GRIK1: variants seen among roughly 807,000 people sequenced by gnomAD.
GRIK1 encodes the protein glutamate receptor ionotropic, kainate 1.
A neutral mutation model predicts 105.7 loss-of-function variants in GRIK1; 69 were observed. The observed-to-expected ratio is 0.65, with a 90% confidence interval of 0.54 to 0.80. The LOEUF (loss-of-function observed/expected upper bound fraction) is 0.80, where lower values mean the gene tolerates loss of function less well. Ranked by LOEUF, GRIK1 falls within the 30% of genes least tolerant of loss-of-function variation. The probability of loss-of-function intolerance (pLI) is 0.00; values close to 1 mark genes in which losing one functional copy is unlikely to be tolerated. For synonymous variants in GRIK1, 438 were observed against 431.3 expected, an observed-to-expected ratio of 1.02 and a Z score of -0.19; for missense variants, 1,109 against 1,167.3, an observed-to-expected ratio of 0.95 and a Z score of 0.73.
intron 1 of GRIK1, among the ~76,000 whole-genome samples, chr21:29,774,310 T>G (rs1393625073): frequency 6.6e-6 from 1 of 152,172 alleles, no homozygotes; most frequent in African/African-American, 2.4e-5. Context: ...AAATTCAGAC[T>G]GTTAGGAAAG....
intron 11 of GRIK1, among the ~76,000 whole-genome samples, chr21:29,588,058 T>C (rs922986593): frequency 7.3e-6 from 1 of 136,708 alleles, no homozygotes; most frequent in Non-Finnish European, 1.5e-5. Flanking sequence ...CACTGCAAGA[T>C]CCACCTCCCA....
chr21:29,691,834 A>T (rs1404175705), intron 2 of GRIK1, among the ~76,000 whole-genome samples: 1 of 152,232 alleles, frequency 6.6e-6, no homozygotes, highest in African/African-American at 2.4e-5. Context: ...TATCTAAGGA[A>T]CAGCAAATGT....
intron 1 of GRIK1, among the ~76,000 whole-genome samples, chr21:29,907,769 TG>T (rs1346595716): frequency 6.6e-6 from 1 of 152,158 alleles, no homozygotes; most frequent in African/African-American, 2.4e-5. Context: ...AATATGCTAG[TG>T]AATTAAAAAA....
At chr21:29,721,398 C>G (rs1027388359) in intron 1 of GRIK1, among the ~76,000 whole-genome samples, 2 of 151,982 alleles carry the variant, frequency 1.3e-5, no homozygotes, top group African/African-American at 4.8e-5. Flanking sequence ...AGAGACCAGC[C>G]GCTTTCTCTT....
At chr21:29,547,772 G>A (rs920487759) in intron 16 of GRIK1, among the ~76,000 whole-genome samples, 5 of 152,160 alleles carry the variant, frequency 3.3e-5, no homozygotes, top group Admixed American at 2.0e-4. Context: ...CTCTTTGCAC[G>A]ATTACAAAAA....
At chr21:29,828,052 AAC>A (rs1555894960) in intron 1 of GRIK1, among the ~76,000 whole-genome samples, 3 of 149,948 alleles carry the variant, frequency 2.0e-5, no homozygotes, top group Non-Finnish European at 4.4e-5. Context: ...TGTCTAATGA[AAC>A]ACAGGGTGTC....
At chr21:29,730,000 A>G (rs2064572023) in intron 1 of GRIK1, among the ~76,000 whole-genome samples, 1 of 152,188 alleles carries the variant, frequency 6.6e-6, no homozygotes, top group African/African-American at 2.4e-5. Flanking sequence ...CTTCGACACT[A>G]TTATAGCAAA....
Position 29,603,427 on chromosome 21 carries a change from C to A in GRIK1, c.1099-4490G>T, listed in dbSNP as rs570246375. On this transcript the variant is annotated intron_variant, in intron 7 of 17. Coordinates refer to ENST00000327783, the MANE Select transcript of GRIK1 (RefSeq NM_001330994.2). ...CCATAATACCAAACACTGGCACTAG[C>A]TTTAAAATTGAATGGCATATCTTTA... Among the ~76,000 whole-genome samples, 9 of 152,122 alleles carry A rather than the reference C, an allele frequency of 5.9e-5. No homozygotes were observed. The East Asian group carries it at 1.7e-3, about 29-fold the overall frequency.
At position 29,673,017 on chromosome 21, in the gene GRIK1, C is replaced by A. The variant is rs753975943; in HGVS notation, c.692G>T (p.Cys231Phe). The A allele has an allele frequency of 6.8e-6, 11 of 1,613,266 alleles. No individual in the cohort carries two copies. Among genetic ancestry groups the A allele is most frequent in the African/African-American group, 1.3e-5 (1 of 74,996 alleles). ...KGKEFYVIFD[C>F]SHETAAEILK... ...GATTTCAGCGGCTGTTTCATGTGAA[C>A]AATCAAATATCACATAGAACTCCTT... is the stretch of plus-strand genomic sequence containing the variant. The change falls in exon 4 of 18, where the codon TGT becomes TTT. Residue 231 changes from cysteine to phenylalanine, a missense_variant. Physicochemically the swap from Cys to Phe is radical, Grantham distance 205. This residue lies in a region of GRIK1 where 612 missense variants were observed against 586.0 expected (regional missense o/e 1.04). Transcript: ENST00000327783.
chr21:29,655,322 C>A (rs1044830236), intron 4 of GRIK1, among the ~76,000 whole-genome samples: 1 of 151,926 alleles, frequency 6.6e-6, no homozygotes, highest in East Asian at 1.9e-4. Flanking sequence ...GCGGGAGAAT[C>A]GCTTGAACCT....
In GRIK1 at chr21:29,597,679, GA is replaced by G. The variant is rs1381084916; in HGVS notation, c.1207-1110del. 1.3e-5 allele frequency: 6 copies of G among 466,020 alleles called. No homozygotes were observed. In the Admixed American group the frequency reaches 1.4e-4, roughly 11 times the overall value. 28.9% of individuals were successfully genotyped at this position (466,020 alleles called of 1,614,324 possible). A position where few individuals can be genotyped will look rare whatever the true frequency, so the allele number is the denominator to read the frequency against. ...GAGTGAAGAGGAAGCCAGAAGATGG[GA>G]GAGACATTTTTGAAGTGAGTAACCT... On this transcript the variant is annotated intron_variant, in intron 8 of 17. Coordinates refer to ENST00000327783, the MANE Select transcript of GRIK1 (RefSeq NM_001330994.2).
intron 1 of GRIK1, among the ~76,000 whole-genome samples, chr21:29,892,968 G>T (rs1434482032): frequency 6.6e-6 from 1 of 152,174 alleles, no homozygotes; most frequent in Non-Finnish European, 1.5e-5. Flanking sequence ...GAGGTCAGGA[G>T]TTCGAGACCA....
chr21:29,577,486 A>G (rs2090922966), intron 13 of GRIK1, among the ~76,000 whole-genome samples: 1 of 152,216 alleles, frequency 6.6e-6, no homozygotes, highest in Non-Finnish European at 1.5e-5. Context: ...AGTCAACCCC[A>G]AGACTTTTTG....
intron 7 of GRIK1, among the ~76,000 whole-genome samples, chr21:29,614,298 A>G (rs146986824): frequency 6.6e-6 from 1 of 152,136 alleles, no homozygotes; most frequent in African/African-American, 2.4e-5. Flanking sequence ...GTGTTTCAGC[A>G]TGGCAACAAT....
chr21:29,605,059 T>C (rs537496347), intron 7 of GRIK1, among the ~76,000 whole-genome samples: 20 of 152,324 alleles, frequency 1.3e-4, no homozygotes, highest in Admixed American at 5.2e-4. Context: ...AATTTTTTTT[T>C]CTTCAACTTT....
At chr21:29,673,607 T>A (rs1365150913) in intron 3 of GRIK1, among the ~76,000 whole-genome samples, 2 of 152,242 alleles carry the variant, frequency 1.3e-5, no homozygotes, top group African/African-American at 4.8e-5. Context: ...TTATTAAGTA[T>A]TTATATATAA....
At chr21:29,781,493 A>T (rs1305047140) in intron 1 of GRIK1, among the ~76,000 whole-genome samples, 1 of 152,022 alleles carries the variant, frequency 6.6e-6, no homozygotes, top group African/African-American at 2.4e-5. Flanking sequence ...TCCCCACCCC[A>T]AGCTGGTGAA....
chr21:29,886,286 T>C (rs1434617927), intron 1 of GRIK1, among the ~76,000 whole-genome samples: 4 of 152,144 alleles, frequency 2.6e-5, no homozygotes, highest in Non-Finnish European at 5.9e-5. Context: ...ATAAAGTCTA[T>C]GCTCTCTTTT....
chr21:29,870,236 G>A (rs1436910548), intron 1 of GRIK1, among the ~76,000 whole-genome samples: 1 of 151,846 alleles, frequency 6.6e-6, no homozygotes, highest in Non-Finnish European at 1.5e-5. Context: ...CCCTCTGTTA[G>A]AAATACACAT....
Sources: gnomAD v4.1 joint callset for allele counts (sites outside exome capture counted in the v4.1 genomes callset) on GRCh38, gnomAD v4.1.1 for gene constraint, gnomAD v4.1.1 regional missense constraint, MANE v1.5 for transcripts, NCBI Gene and HGNC (gene_info 2026-07-23, HGNC 2026-07-21) for gene names.